Variants in PRMT8 observed in about 807,000 individuals in gnomAD.
PRMT8 encodes the protein protein arginine N-methyltransferase 8.
A neutral mutation model predicts 47.1 loss-of-function variants in PRMT8; 7 were observed. The observed-to-expected ratio is 0.15, with a 90% CI of 0.08 to 0.28. The LOEUF (loss-of-function observed/expected upper bound fraction) is 0.28. Among genes scored for constraint, PRMT8 ranks in the 10% least tolerant of loss-of-function variants. The probability of loss-of-function intolerance (pLI) is 1.00; values close to 1 mark genes in which losing one functional copy is unlikely to be tolerated. For synonymous variants in PRMT8, 188 were observed against 186.5 expected, an observed-to-expected ratio of 1.01 and a Z score of -0.07; for missense variants, 237 against 505.4, an observed-to-expected ratio of 0.47 and a Z score of 5.09.
chr12:3,558,887 C>G (rs556006088), intron 4 of PRMT8, among the ~76,000 whole-genome samples: 2 of 152,280 alleles, frequency 1.3e-5, no homozygotes, highest in South Asian at 4.1e-4. Context: ...GTAAGATTTT[C>G]TGGGGGAGGT....
intron 1 of PRMT8, among the ~76,000 whole-genome samples, chr12:3,505,907 C>T (rs188879068): frequency 6.6e-6 from 1 of 152,328 alleles, no homozygotes; most frequent in Non-Finnish European, 1.5e-5. Context: ...CCTCATCTTC[C>T]TAGCGGTTTT....
intron 1 of PRMT8, among the ~76,000 whole-genome samples, chr12:3,420,482 C>G (rs946848912): frequency 6.6e-6 from 1 of 152,156 alleles, no homozygotes; most frequent in Non-Finnish European, 1.5e-5. Context: ...TGGACTGTTT[C>G]CCACTGAGAA....
At chr12:3,408,308 A>C (rs1391774677) in intron 1 of PRMT8, among the ~76,000 whole-genome samples, 1 of 151,370 alleles carries the variant, frequency 6.6e-6, no homozygotes, top group African/African-American at 2.4e-5. Flanking sequence ...ATTTCAGCTC[A>C]CTGCAACCTC....
At chr12:3,437,413 A>G (rs1864755646) in intron 1 of PRMT8, among the ~76,000 whole-genome samples, 1 of 151,894 alleles carries the variant, frequency 6.6e-6, no homozygotes, top group Non-Finnish European at 1.5e-5. Flanking sequence ...CAGGTTTGTT[A>G]TATAGGTACA....
chr12:3,434,804 A>C (rs1018163933), intron 1 of PRMT8, among the ~76,000 whole-genome samples: 5 of 151,056 alleles, frequency 3.3e-5, no homozygotes, highest in Non-Finnish European at 5.9e-5. Flanking sequence ...GCAAGAGTTT[A>C]CATGAGGCTG....
At chr12:3,447,030 G>A (rs369458696) in intron 1 of PRMT8, among the ~76,000 whole-genome samples, 16 of 152,240 alleles carry the variant, frequency 1.1e-4, no homozygotes, top group African/African-American at 3.9e-4. Flanking sequence ...AGCCCTGAGC[G>A]GGTGGGCTTT....
intron 1 of PRMT8, among the ~76,000 whole-genome samples, chr12:3,434,965 G>T (rs1164301563): frequency 7.2e-6 from 1 of 138,998 alleles, no homozygotes; most frequent in Non-Finnish European, 1.5e-5. Flanking sequence ...GCTTTGCTTT[G>T]CTCTTTTTTT....
intron 7 of PRMT8, among the ~76,000 whole-genome samples, chr12:3,577,461 C>T (rs963616170): frequency 2.0e-5 from 3 of 151,006 alleles, no homozygotes; most frequent in Non-Finnish European, 2.9e-5. Context: ...CCTTCCTGAG[C>T]GTCCCTGTTC....
intron 5 of PRMT8, 123 bp downstream of exon 5, chr12:3,568,971 C>T (rs1303066384): frequency 5.4e-6 from 7 of 1,300,784 alleles, no homozygotes; most frequent in South Asian, 1.4e-5. Flanking sequence ...GGTCACTGCC[C>T]CAAGCCCCTC....
intron 1 of PRMT8, among the ~76,000 whole-genome samples, chr12:3,520,814 T>A (rs915376710): frequency 1.3e-5 from 2 of 152,212 alleles, no homozygotes; most frequent in Non-Finnish European, 2.9e-5. Flanking sequence ...CAAATATGCC[T>A]ATGGAGTAAT....
intron 1 of PRMT8, among the ~76,000 whole-genome samples, chr12:3,403,876 C>CA (rs1315547758): frequency 0.2 from 15,011 of 73,382 alleles, 1,935 homozygotes; most frequent in Middle Eastern, 0.29. Context: ...GACTCTGTCT[C>CA]AAAAAAAAAA....
chr12:3,509,987 G>A (rs1865687523), intron 1 of PRMT8, among the ~76,000 whole-genome samples: 1 of 152,260 alleles, frequency 6.6e-6, no homozygotes. Flanking sequence ...TGCTTAGGCA[G>A]TGGCAGCAGA....
At chr12:3,434,865 C>A (rs764134456) in intron 1 of PRMT8, among the ~76,000 whole-genome samples, 7 of 148,814 alleles carry the variant, frequency 4.7e-5, no homozygotes, top group Non-Finnish European at 7.4e-5. Context: ...GTGTTCCCAA[C>A]ACAATGCTTG....
chr12:3,403,037 A>G (rs1050991907), intron 1 of PRMT8, among the ~76,000 whole-genome samples: 1 of 152,194 alleles, frequency 6.6e-6, no homozygotes, highest in Non-Finnish European at 1.5e-5. Flanking sequence ...CTGCAGCACT[A>G]TTTGCTAAAA....
chr12:3,561,285 C>A (rs1042868568), intron 4 of PRMT8, among the ~76,000 whole-genome samples: 4 of 152,186 alleles, frequency 2.6e-5, no homozygotes, highest in Admixed American at 2.6e-4. Flanking sequence ...CCAGTTTCTG[C>A]CTGCCAGCGG....
intron 1 of PRMT8, among the ~76,000 whole-genome samples, chr12:3,455,060 G>A (rs1422980703): frequency 6.6e-6 from 1 of 152,148 alleles, no homozygotes; most frequent in Non-Finnish European, 1.5e-5. Flanking sequence ...TCCCCTTAAA[G>A]ACTCCAGCCC....
At chr12:3,427,597 T>G (rs1288182585) in intron 1 of PRMT8, among the ~76,000 whole-genome samples, 32 of 140,834 alleles carry the variant, frequency 2.3e-4, no homozygotes, top group Non-Finnish European at 3.0e-5. Context: ...ACATAAACTG[T>G]TTTTTTTTTC....
At chr12:3,587,584 C>T (rs1867208263) in intron 8 of PRMT8, among the ~76,000 whole-genome samples, 1 of 152,172 alleles carries the variant, frequency 6.6e-6, no homozygotes, top group Non-Finnish European at 1.5e-5. Flanking sequence ...CCACCCCATC[C>T]CACCTCCCGT....
intron 1 of PRMT8, among the ~76,000 whole-genome samples, chr12:3,421,034 T>C (rs1371533381): frequency 6.6e-6 from 1 of 152,232 alleles, no homozygotes; most frequent in Non-Finnish European, 1.5e-5. Context: ...GAGACGATAT[T>C]GTGACTATGC....
Sources: allele counts gnomAD v4.1 joint callset (sites outside exome capture counted in the v4.1 genomes callset), GRCh38; gene constraint gnomAD v4.1.1; transcripts MANE v1.5; gene names NCBI Gene and HGNC (gene_info 2026-07-23, HGNC 2026-07-21).